Variants in EFCAB6 observed in about 807,000 individuals in gnomAD.
The protein encoded by EFCAB6 is EF-hand calcium binding domain 6, also known as EF-hand calcium-binding domain-containing protein 6.
EFCAB6 carries 156 observed loss-of-function variants against 169.8 expected under a neutral mutation model. The ratio of observed to expected loss-of-function variants is 0.92; its 90% CI spans 0.81 to 1.05. The LOEUF (loss-of-function observed/expected upper bound fraction) is 1.05, where lower values mean the gene tolerates loss of function less well. EFCAB6 is among the 50% of genes least tolerant of loss of function. The probability of loss-of-function intolerance (pLI) is 0.00; values close to 1 mark genes in which losing one functional copy is unlikely to be tolerated. For missense variants in EFCAB6, 1,800 were observed against 1,829.1 expected, an observed-to-expected ratio of 0.98 and a Z score of 0.29; for synonymous variants, 698 against 676.4, an observed-to-expected ratio of 1.03 and a Z score of -0.50.
intron 21 of EFCAB6, among the ~76,000 whole-genome samples, chr22:43,614,907 G>A (rs1235873765): frequency 1.3e-5 from 2 of 152,070 alleles, no homozygotes; most frequent in African/African-American, 4.8e-5. Flanking sequence ...GGAGTCCACA[G>A]CACAGACAGT....
intron 12 of EFCAB6, among the ~76,000 whole-genome samples, chr22:43,680,377 G>A (rs775190290): frequency 1.3e-5 from 2 of 151,896 alleles, no homozygotes; most frequent in Non-Finnish European, 2.9e-5. Flanking sequence ...TTCTGGAAGT[G>A]TAAGTATTCT....
chr22:43,804,593 T>C (rs5764311), intron 2 of EFCAB6, among the ~76,000 whole-genome samples: 1 of 152,000 alleles, frequency 6.6e-6, no homozygotes, highest in Non-Finnish European at 1.5e-5. Context: ...ATCCCATTTC[T>C]ACAAAAACTT....
intron 6 of EFCAB6, among the ~76,000 whole-genome samples, chr22:43,738,127 C>A (rs1476263119): frequency 6.6e-6 from 1 of 151,262 alleles, no homozygotes; most frequent in African/African-American, 2.4e-5. Flanking sequence ...TATATTCATA[C>A]ACACACCTGT....
chr22:43,625,836 C>T (rs534817279), intron 20 of EFCAB6, among the ~76,000 whole-genome samples: 5 of 152,300 alleles, frequency 3.3e-5, no homozygotes, highest in African/African-American at 9.6e-5. Flanking sequence ...CATCAGTTCC[C>T]GAAGAAGAAG....
chr22:43,550,942 C>T (rs1297490835), intron 27 of EFCAB6, among the ~76,000 whole-genome samples: 1 of 152,104 alleles, frequency 6.6e-6, no homozygotes, highest in Non-Finnish European at 1.5e-5. Context: ...GTTAATTGCA[C>T]CAAAGGGTTT....
rs549009066 is a variant in EFCAB6 at position 43,808,648 on chromosome 22, G to GCAAAAA, written c.-8+341_-8+346dup. Among the ~76,000 whole-genome samples, 14 of 152,040 alleles carry GCAAAAA rather than the reference G, an allele frequency of 9.2e-5. No individual in the cohort carries two copies. In the East Asian group the frequency reaches 9.6e-4, roughly 10 times the overall value. The stretch of plus-strand genomic sequence containing the variant: ...AAAGATAAATCAGACAGAGCATTGG[G>GCAAAAA]CAAAAACAAAAACAAAAACAAAAAC... On this transcript the variant is annotated intron_variant, in intron 2 of 31. Coordinates refer to ENST00000262726, the MANE Select transcript of EFCAB6 (RefSeq NM_022785.4).
intron 26 of EFCAB6, among the ~76,000 whole-genome samples, chr22:43,567,663 TG>T (rs1342614491): frequency 1.3e-5 from 2 of 152,194 alleles, no homozygotes; most frequent in Admixed American, 6.5e-5. Flanking sequence ...GCATTTCTAA[TG>T]GTGTGACTGG....
chr22:43,697,112 A>T lies in EFCAB6; in HGVS notation c.1032-9531T>A, dbSNP rs1013389089. Reference sequence around the variant, plus strand: ...TGAGAAGCTGTGCTTTCGCCTACCAAATCAGCCAGGGTGTTTAAATGGCAG... The same window carrying T: ...TGAGAAGCTGTGCTTTCGCCTACCATATCAGCCAGGGTGTTTAAATGGCAG... On this transcript the variant is annotated intron_variant, in intron 10 of 31. Transcript: ENST00000262726. Among the ~76,000 whole-genome samples, 4 of 152,336 alleles carry T rather than the reference A, an allele frequency of 2.6e-5. No individual in the cohort carries two copies. The South Asian group carries it at 8.3e-4, about 32-fold the overall frequency.
chr22:43,742,044 CA>C (rs1276779355), intron 6 of EFCAB6, among the ~76,000 whole-genome samples: 1 of 152,104 alleles, frequency 6.6e-6, no homozygotes, highest in Admixed American at 6.5e-5. Flanking sequence ...CAGCCTCCTC[CA>C]AACCAGCATG....
At position 43,678,106 on chromosome 22, in the gene EFCAB6, C is replaced by T. The variant is rs746268086; in HGVS notation, c.1309G>A (p.Val437Ile). The change falls in exon 13 of 32, where the codon GTA becomes ATA. Residue 437 changes from valine to isoleucine, a missense_variant. Physicochemically the swap from Val to Ile is conservative, Grantham distance 29 (BLOSUM62 3). Coordinates refer to ENST00000262726, the MANE Select transcript of EFCAB6 (RefSeq NM_022785.4). ...EFRYILNCMA[V>I]KLSDSEFKEL... ...TTGAATTCTGAATCGCTTAGTTTTA[C>T]AGCCATGCAATTTAGAATATATCGA... The T allele has an allele frequency of 1.2e-6, 2 of 1,611,912 alleles. No homozygotes were observed. Among genetic ancestry groups the T allele is most frequent in the South Asian group, 2.2e-5 (2 of 91,028 alleles).
In EFCAB6 at chr22:43,765,293, C is replaced by G. The variant is rs193276854; in HGVS notation, c.440+12G>C. ...AATTTCACATTTTCACATGAGCAAA[C>G]CAAACACTTACCTCTTTATACCATT... On this transcript the variant is annotated intron_variant, in intron 5 of 31. Coordinates refer to ENST00000262726, the MANE Select transcript of EFCAB6 (RefSeq NM_022785.4). 12 of 1,604,392 alleles carry G rather than the reference C, an allele frequency of 7.5e-6. No individual in the cohort carries two copies.
intron 26 of EFCAB6, among the ~76,000 whole-genome samples, chr22:43,560,497 A>T (rs2048963998): frequency 6.6e-6 from 1 of 152,178 alleles, no homozygotes; most frequent in African/African-American, 2.4e-5. Flanking sequence ...AGTGTTAGAG[A>T]ACAGTGTGGT....
rs531608138 is a variant in EFCAB6, at chr22:43,744,507, G to T, written c.508-8514C>A. On this transcript the variant is annotated intron_variant, in intron 6 of 31. Transcript: ENST00000262726. The surrounding 1 kb of genome is among the most constrained non-coding windows in gnomAD (Gnocchi z 4.3). The stretch of plus-strand genomic sequence containing the variant: ...GACGGGACTTGTGAATTTTCCATGG[G>T]TTAAGAGGACACCATGACAGGTAGA... Among the ~76,000 whole-genome samples the T allele has an allele frequency of 5.6e-4, 85 of 152,264 alleles. No individual in the cohort carries two copies. Among genetic ancestry groups the T allele is most frequent in the African/African-American group, 2.0e-3 (82 of 41,534 alleles).
intron 22 of EFCAB6, among the ~76,000 whole-genome samples, chr22:43,605,394 C>T (rs1360446814): frequency 6.6e-6 from 1 of 152,274 alleles, no homozygotes; most frequent in East Asian, 1.9e-4. Flanking sequence ...CCTGTAATCC[C>T]AGCACTTTGG....
chr22:43,700,557 G>A (rs2058731117), intron 10 of EFCAB6, among the ~76,000 whole-genome samples: 1 of 152,164 alleles, frequency 6.6e-6, no homozygotes, highest in Admixed American at 6.5e-5. Context: ...GTAGATTCAT[G>A]CAGATTCCCA....
At chr22:43,797,485 TGTAGGAAACCTTA>T (rs902625169) in intron 2 of EFCAB6, 3 of 152,438 alleles carry the variant, frequency 2.0e-5, no homozygotes, top group African/African-American at 4.8e-5. Context: ...CGGAGAACTG[TGTAGGAAACCTTA>T]GGCAAATCAC....
intron 23 of EFCAB6, among the ~76,000 whole-genome samples, chr22:43,591,124 G>T (rs9614444): frequency 0.13 from 15,349 of 113,788 alleles, 1,062 homozygotes; most frequent in South Asian, 0.23. Context: ...TTTTTTTTTT[G>T]TTTTTTTTTT....
intron 8 of EFCAB6, among the ~76,000 whole-genome samples, chr22:43,730,747 C>T (rs190722990): frequency 1.4e-3 from 214 of 152,168 alleles, no homozygotes; most frequent in Non-Finnish European, 2.4e-3. Context: ...CTCACGTGGT[C>T]GTGGGGAATA....
chr22:43,671,000 T>G (rs2057466957), intron 15 of EFCAB6, among the ~76,000 whole-genome samples: 1 of 152,138 alleles, frequency 6.6e-6, no homozygotes, highest in African/African-American at 2.4e-5. Flanking sequence ...AATATCTGGA[T>G]GAAGAAATAG....
Sources: allele counts gnomAD v4.1 joint callset (sites outside exome capture counted in the v4.1 genomes callset), GRCh38; gene constraint gnomAD v4.1.1; non-coding constraint Gnocchi (gnomAD v3.1); transcripts MANE v1.5; gene names NCBI Gene and HGNC (gene_info 2026-07-23, HGNC 2026-07-21).